PHACTR4: variants seen among roughly 807,000 people sequenced by gnomAD.
PHACTR4 encodes protein phosphatase 1, regulatory subunit 124.
In PHACTR4, 51 loss-of-function variants were observed where a neutral mutation model predicts 72.7. The ratio of observed to expected loss-of-function variants is 0.70; its 90% CI spans 0.56 to 0.89. The LOEUF is 0.89. PHACTR4 is among the 40% of genes least tolerant of loss of function. The pLI is 0.00. For missense variants in PHACTR4, 731 were observed against 861.8 expected (o/e 0.85, Z 1.90); for synonymous variants, 255 against 302.5 (o/e 0.84, Z 1.63).
chr1:28,395,495 G>T (rs1306465797), intron 1 of PHACTR4, among the ~76,000 whole-genome samples: 1 of 152,028 alleles, frequency 6.6e-6, no homozygotes, highest in African/African-American at 2.4e-5. Context: ...GCTTCTTAGT[G>T]GTAACAGAAG....
chr1:28,370,126 G>T (rs1651115392), intron 1 of PHACTR4, among the ~76,000 whole-genome samples: 1 of 151,682 alleles, frequency 6.6e-6, no homozygotes, highest in Non-Finnish European at 1.5e-5. Context: ...CTCCCCCTTT[G>T]TGTCCGTGCA....
At chr1:28,435,732 A>T (rs1656589910) in intron 2 of PHACTR4, among the ~76,000 whole-genome samples, 1 of 152,148 alleles carries the variant, frequency 6.6e-6, no homozygotes, top group East Asian at 1.9e-4. Flanking sequence ...TAGTTCCATG[A>T]TGATGATGAT....
chr1:28,429,494 T>A (rs1656092090), intron 2 of PHACTR4, among the ~76,000 whole-genome samples: 1 of 152,054 alleles, frequency 6.6e-6, no homozygotes, highest in Non-Finnish European at 1.5e-5. Flanking sequence ...TCGGAAGAAA[T>A]GTAGAGATGA....
intron 13 of PHACTR4, among the ~76,000 whole-genome samples, 180 bp from the exon 14 acceptor site, chr1:28,496,354 C>T (rs537421819): frequency 6.6e-6 from 1 of 151,838 alleles, no homozygotes; most frequent in Non-Finnish European, 1.5e-5. Context: ...TTGCGCCCAG[C>T]CGAGAAGAGT....
intron 7 of PHACTR4, among the ~76,000 whole-genome samples, chr1:28,474,689 T>C (rs1659807353): frequency 6.7e-6 from 1 of 149,504 alleles, no homozygotes; most frequent in Non-Finnish European, 1.5e-5. Context: ...ACTACAGGCA[T>C]GTGCCACCAC....
rs539045677 is a variant in PHACTR4, at chr1:28,379,566, G to T, written c.-39+9741G>T. 5.3e-5 allele frequency among the ~76,000 whole-genome samples: 8 copies of T among 151,260 alleles called. No individual in the cohort carries two copies. In the East Asian group the frequency reaches 1.6e-3, roughly 29 times the overall value. On this transcript the variant is annotated intron_variant, in intron 1 of 13. Transcript: ENST00000373839. ...TAGGATTACAGGTGTGAGCCCCTGT[G>T]GCTGGCCCTGGCCTATAATTTCTTT...
rs189178510 is a variant in PHACTR4, at chr1:28,421,637, C to G, written c.16+14174C>G. Among the ~76,000 whole-genome samples the G allele has an allele frequency of 3.9e-3, 591 of 152,206 alleles. 3 individuals are homozygous for G. The highest frequency in any genetic ancestry group is 0.013 in the African/African-American group (543 of 41,532). ...TAGATGCTCTAAAACGTAGGCCTGGCTGCTTTATTTTGTCCATTTCCCCGC... is the reference window on the plus strand; with the variant it reads ...TAGATGCTCTAAAACGTAGGCCTGGGTGCTTTATTTTGTCCATTTCCCCGC... On this transcript the variant is annotated intron_variant, in intron 2 of 13. Transcript: ENST00000373839.
In PHACTR4 at chr1:28,438,421, G is replaced by A. The variant is rs776213839; in HGVS notation, c.17-20664G>A. The stretch of plus-strand genomic sequence containing the variant: ...TGATGTCTCCAGACCGGTAAATCCA[G>A]ATGCAGTTGGTGAGTAATAGAAGGC... On this transcript the variant is annotated intron_variant, in intron 2 of 13. Coordinates refer to ENST00000373839, the MANE Select transcript of PHACTR4 (RefSeq NM_001048183.3). 61 of 1,613,102 alleles carry A rather than the reference G, an allele frequency of 3.8e-5. No homozygotes were observed. The highest frequency in any genetic ancestry group is 4.9e-5 in the Non-Finnish European group (58 of 1,179,630).
rs144538371 is a variant in PHACTR4, at chr1:28,479,674, T to C, written c.1607-777T>C. 9.5e-4 allele frequency among the ~76,000 whole-genome samples: 144 copies of C among 151,042 alleles called. 2 individuals are homozygous for C. The East Asian group carries it at 0.023, about 25-fold the overall frequency. ...GCCGAGGTGGGTGGATCACCTGAGG[T>C]CAGGAGTTCAAACCAGCCTGGCCAA... On this transcript the variant is annotated intron_variant, in intron 8 of 13. Transcript: ENST00000373839.
At chr1:28,457,968 T>C (rs911520435) in intron 2 of PHACTR4, 2 of 621,728 alleles carry the variant, frequency 3.2e-6, no homozygotes, top group Admixed American at 1.3e-4. Flanking sequence ...TTGGCTCTCC[T>C]TTCTCTGCCA....
chr1:28,381,604 AT>A (rs543783137), intron 1 of PHACTR4, among the ~76,000 whole-genome samples: 2 of 150,934 alleles, frequency 1.3e-5, no homozygotes, highest in Non-Finnish European at 3.0e-5. Context: ...GGCCTGGCCT[AT>A]TTTTTTACTT....
intron 1 of PHACTR4, among the ~76,000 whole-genome samples, chr1:28,391,447 T>C (rs763874226): frequency 6.6e-6 from 1 of 151,058 alleles, no homozygotes. Context: ...GTAAAACTCA[T>C]AGAAGCAGAG....
intron 9 of PHACTR4, among the ~76,000 whole-genome samples, chr1:28,484,463 AATATATGTGTGTATGTGTAT>A (rs1388655447): frequency 1.9e-3 from 286 of 151,822 alleles, no homozygotes; most frequent in South Asian, 6.7e-3. Flanking sequence ...TAATATATTT[AATATATGTGTGTATGTGTAT>A]ATATATGTGT....
rs1013315000 is a variant in PHACTR4 at position 28,462,079 on chromosome 1, C to T, written c.271+1787C>T. 2.0e-5 allele frequency among the ~76,000 whole-genome samples: 3 copies of T among 151,788 alleles called. No homozygotes were observed. The South Asian group carries it at 6.2e-4, about 31-fold the overall frequency. On this transcript the variant is annotated intron_variant, in intron 4 of 13. Coordinates refer to ENST00000373839, the MANE Select transcript of PHACTR4 (RefSeq NM_001048183.3). ...CTGGAGTGCAGTGGTGTGATCTTGG[C>T]TCACTGCAACCTCCATCTGCTGGGT...
At chr1:28,465,414 C>T (rs1031987898) in intron 4 of PHACTR4, among the ~76,000 whole-genome samples, 3 of 152,090 alleles carry the variant, frequency 2.0e-5, no homozygotes, top group African/African-American at 7.2e-5. Flanking sequence ...GAGCCAAGAT[C>T]ATGCCACTGC....
Position 28,466,701 on chromosome 1 carries a change from G to C in PHACTR4, c.756G>C (p.Met252Ile). ...CTGCTACCCCAAGCCTCACTCATAT[G>C]GTCCCTGCCAAGCAGCCCCCTATCC... ...NTTATPSLTH[M>I]VPAKQPPIPP... Residue 252 changes from methionine (M) to isoleucine (I), a missense_variant, in exon 6 of 14, where the codon ATG becomes ATC. This residue lies in a region of PHACTR4 where 621 missense variants were observed against 676.6 expected (regional missense o/e 0.92). Transcript: ENST00000373839. 1 of 1,613,996 alleles carries C rather than the reference G, an allele frequency of 6.2e-7. No individual in the cohort carries two copies. Among genetic ancestry groups the C allele is most frequent in the Non-Finnish European group, 8.5e-7 (1 of 1,180,024 alleles).
chr1:28,454,593 AC>A (rs1658236094), intron 2 of PHACTR4, among the ~76,000 whole-genome samples: 1 of 151,992 alleles, frequency 6.6e-6, no homozygotes, highest in African/African-American at 2.4e-5. Context: ...ATGTTAACAT[AC>A]CTCTCTCAGT....
chr1:28,493,094 A>G lies in PHACTR4; in HGVS notation c.2093+3A>G. On this transcript the variant is annotated splice_donor_region_variant and intron_variant, in intron 13 of 13. Coordinates refer to ENST00000373839, the MANE Select transcript of PHACTR4 (RefSeq NM_001048183.3). ...GAAGAGAGCAAACATTTTACACGGT[A>G]AGACCCAAAAGACCCAATCATATAT... 1 of 1,605,280 alleles carries G rather than the reference A, an allele frequency of 6.2e-7. No homozygotes were observed. The highest frequency in any genetic ancestry group is 8.5e-7 in the Non-Finnish European group (1 of 1,172,032).
chr1:28,425,683 G>C (rs934932451), intron 2 of PHACTR4, among the ~76,000 whole-genome samples: 3 of 152,168 alleles, frequency 2.0e-5, no homozygotes, highest in Non-Finnish European at 4.4e-5. Flanking sequence ...CACATACTGT[G>C]TTCCCACTGG....
Sources: gnomAD v4.1 joint callset for allele counts (sites outside exome capture counted in the v4.1 genomes callset) on GRCh38, gnomAD v4.1.1 for gene constraint, gnomAD v4.1.1 regional missense constraint, MANE v1.5 for transcripts, NCBI Gene and HGNC (gene_info 2026-07-23, HGNC 2026-07-21) for gene names.